PAPLN: variants seen among roughly 807,000 people sequenced by gnomAD.
The protein encoded by PAPLN is papilin.
PAPLN carries 146 observed loss-of-function variants against 159.0 expected under a neutral mutation model. That is an observed-to-expected ratio of 0.92 (90% CI 0.80 to 1.05). The LOEUF is 1.05. Ranked by LOEUF, PAPLN falls within the 50% of genes least tolerant of loss-of-function variation. The pLI, the probability that PAPLN is intolerant of heterozygous loss-of-function variation, is 0.00. For missense variants in PAPLN, 1,720 were observed against 1,743.9 expected (o/e 0.99, Z 0.24); for synonymous variants, 734 against 702.9 (o/e 1.04, Z -0.70).
chr14:73,250,653 C>G (rs1417635002), intron 6 of PAPLN, among the ~76,000 whole-genome samples: 1 of 152,154 alleles, frequency 6.6e-6, no homozygotes, highest in African/African-American at 2.4e-5. Context: ...TTGGGGAGCT[C>G]CGTTCAAACT....
In PAPLN at chr14:73,272,496, A is replaced by ACCCACCGC. The variant is rs746831893; in HGVS notation, c.3672_3679dup (p.Gln1227ProfsTer23). The stretch of plus-strand genomic sequence containing the variant: ...TCTCTCTCCCCTGTCGTTCTGCAGC[A>ACCCACCGC]CCCACCGCCCAGCCCAGGGACCCTG... On this transcript the variant is annotated frameshift_variant and splice_region_variant, in exon 27 of 27. Coordinates refer to ENST00000644200, the MANE Select transcript of PAPLN (RefSeq NM_001365906.3). LOFTEE classifies it high-confidence loss of function. 1.1e-5 allele frequency: 17 copies of ACCCACCGC among 1,529,300 alleles called. No homozygotes were observed. The highest frequency in any genetic ancestry group is 1.5e-5 in the Non-Finnish European group (17 of 1,125,654). The allele number at this position is 1,529,300 out of a possible 1,614,324, so 94.7% of individuals were successfully genotyped here.
intron 25 of PAPLN, among the ~76,000 whole-genome samples, chr14:73,267,309 T>C (rs1887324655): frequency 6.6e-6 from 1 of 152,072 alleles, no homozygotes; most frequent in South Asian, 2.1e-4. Flanking sequence ...GATCAATTGG[T>C]TTTATATTTG....
chr14:73,264,876 C>T, intron 22 of PAPLN, 150 bp downstream of exon 22: 1 of 1,292,496 alleles, frequency 7.7e-7, no homozygotes, highest in Non-Finnish European at 1.1e-6. Context: ...AAACAGGGCT[C>T]CCAGAGCTGG....
chr14:73,248,185 G>GTGTC (rs1221391181), intron 5 of PAPLN, among the ~76,000 whole-genome samples: 1 of 146,266 alleles, frequency 6.8e-6, no homozygotes, highest in Non-Finnish European at 1.5e-5. Flanking sequence ...GTGTGTGTGT[G>GTGTC]TGTCTGTGTG....
intron 26 of PAPLN, among the ~76,000 whole-genome samples, chr14:73,269,262 T>TG (rs1195454614): frequency 6.6e-6 from 1 of 150,856 alleles, no homozygotes; most frequent in African/African-American, 2.4e-5. Context: ...GTGGCCTACC[T>TG]GGGACTAGAG....
At chr14:73,242,427 A>G (rs1883668764) in intron 2 of PAPLN, among the ~76,000 whole-genome samples, 2 of 152,232 alleles carry the variant, frequency 1.3e-5, no homozygotes, top group Non-Finnish European at 2.9e-5. Context: ...ACAGACATCC[A>G]AACAGGCCTT....
At chr14:73,254,828 C>T (rs1410309427) in intron 13 of PAPLN, 49 bp from the exon 14 acceptor site, 1 of 1,603,520 alleles carries the variant, frequency 6.2e-7, no homozygotes, top group Non-Finnish European at 8.5e-7. Flanking sequence ...GGGTCCCCGC[C>T]CCCAGCCTCG....
At chr14:73,266,475 G>C in intron 23 of PAPLN, 26 bp from the exon 24 acceptor site, 2 of 1,612,086 alleles carry the variant, frequency 1.2e-6, no homozygotes, top group Non-Finnish European at 1.7e-6. Flanking sequence ...TTGGGCTGGA[G>C]CCAACTGGCT....
rs138886322 is a variant in PAPLN, at chr14:73,253,847, C to T, written c.1188C>T (p.Gly396=). 5.0e-6 allele frequency: 8 copies of T among 1,613,580 alleles called. No individual in the cohort carries two copies. Among genetic ancestry groups the T allele is most frequent in the African/African-American group, 2.7e-5 (2 of 74,928 alleles). ...ACTGCATCTCGTCTGACGGGGCCGG[C>T]ATCCAGGAGGCCGTGGAGGAGGCTG... is the stretch of plus-strand genomic sequence containing the variant. ...SVYCISSDGA[G]IQEAVEEAEC... is the part of the protein sequence containing the mutation. Residue 396 remains glycine (G), a synonymous_variant, in exon 12 of 27, where the codon GGC becomes GGT. Transcript: ENST00000644200.
At chr14:73,251,419 G>A in intron 7 of PAPLN, 67 bp from the exon 8 acceptor site, 1 of 1,486,000 alleles carries the variant, frequency 6.7e-7, no homozygotes, top group Non-Finnish European at 9.2e-7. Context: ...GGCACTTGGA[G>A]TCCTGTTTGA....
rs1594813297 is a variant in PAPLN, at chr14:73,259,420, C to T, written c.1860C>T (p.Pro620=). 11 of 1,612,942 alleles carry T rather than the reference C, an allele frequency of 6.8e-6. No individual in the cohort carries two copies. In the East Asian group the frequency reaches 2.5e-4, roughly 36 times the overall value. Reference sequence around the variant, plus strand: ...TGCAGCAGCCCCCATACCAGCAACCCCTGCGGTCGGGCTCAGGGCCCCACG... The same window carrying T: ...TGCAGCAGCCCCCATACCAGCAACCTCTGCGGTCGGGCTCAGGGCCCCACG... The part of the protein sequence containing the change: ...PSLQQPPYQQ[P]LRSGSGPHDC... The change falls in exon 16 of 27, where the codon CCC becomes CCT. Residue 620 remains proline, a synonymous_variant. Transcript: ENST00000644200.
At chr14:73,237,840 C>T (rs1883128641) in intron 1 of PAPLN, among the ~76,000 whole-genome samples, 1 of 152,220 alleles carries the variant, frequency 6.6e-6, no homozygotes, top group South Asian at 2.1e-4. Flanking sequence ...GCGGGACGGC[C>T]CCGGCGCGCA....
At chr14:73,241,607 G>T (rs577464572) in intron 2 of PAPLN, among the ~76,000 whole-genome samples, 17 of 152,328 alleles carry the variant, frequency 1.1e-4, no homozygotes, top group African/African-American at 4.1e-4. Context: ...GGGGCTGGGC[G>T]CAGCCTGGGC....
Position 73,253,865 on chromosome 14 carries a change from G to A in PAPLN, c.1206G>A (p.Glu402=). 1 of 1,613,632 alleles carries A rather than the reference G, an allele frequency of 6.2e-7. No individual in the cohort carries two copies. ...GGGCCGGCATCCAGGAGGCCGTGGAGGAGGCTGAGTGTGCCGGGCTGCCTG... is the reference window on the plus strand; with the variant it reads ...GGGCCGGCATCCAGGAGGCCGTGGAAGAGGCTGAGTGTGCCGGGCTGCCTG... ...SDGAGIQEAV[E]EAECAGLPGK... is the part of the protein sequence containing the mutation. Residue 402 remains glutamate, a synonymous_variant, in exon 12 of 27, where the codon GAG becomes GAA. Transcript: ENST00000644200.
chr14:73,244,739 GCGC>G lies in PAPLN; in HGVS notation c.152_154del (p.Arg51del). On this transcript the variant is annotated inframe_deletion, in exon 3 of 27. Coordinates refer to ENST00000644200, the MANE Select transcript of PAPLN (RefSeq NM_001365906.3). ...GTGGAGGGGGTGTCAGCTTCCGGGA[GCGC>G]CCCTGCTACTCCCAGAGGTAGGAGA... is the stretch of plus-strand genomic sequence containing the variant. The G allele has an allele frequency of 6.3e-7, 1 of 1,576,306 alleles. No homozygotes were observed. The highest frequency in any genetic ancestry group is 8.6e-7 in the Non-Finnish European group (1 of 1,161,072).
At position 73,265,623 on chromosome 14, in the gene PAPLN, C is replaced by CA; in HGVS notation, c.3263+116_3263+117insA. ...TGGTCATGGCCAGTCCTGAGCCGGA[C>CA]TCCAGGGCCTCTTGAGAGATGGAGC... On this transcript the variant is annotated intron_variant, in intron 23 of 26. Transcript: ENST00000644200. The surrounding 1 kb of genome is among the most constrained non-coding windows in gnomAD (Gnocchi z 4.1). 7.0e-7 allele frequency: 1 copy of CA among 1,431,222 alleles called. No homozygotes were observed. Among genetic ancestry groups the CA allele is most frequent in the Non-Finnish European group, 9.4e-7 (1 of 1,067,378 alleles). 88.7% of individuals were successfully genotyped at this position (1,431,222 alleles called of 1,614,324 possible).
At position 73,272,730 on chromosome 14, in the gene PAPLN, C is replaced by T; in HGVS notation, c.*66C>T. On this transcript the variant is annotated 3_prime_UTR_variant, in exon 27 of 27. Coordinates refer to ENST00000644200, the MANE Select transcript of PAPLN (RefSeq NM_001365906.3). ...AGGGCTAGGGAGAAAGGAAGATGGA[C>T]TCTTGGCTTCCTCTCTCTGGCTGGC... 7.2e-7 allele frequency: 1 copy of T among 1,389,358 alleles called. No homozygotes were observed. Among genetic ancestry groups the T allele is most frequent in the East Asian group, 2.5e-5 (1 of 40,618 alleles). The allele number at this position is 1,389,358 out of a possible 1,614,324, so 86.1% of individuals were successfully genotyped here. A position where few individuals can be genotyped will look rare whatever the true frequency, so the allele number is the denominator to read the frequency against.
At chr14:73,241,093 A>G (rs991755306) in intron 2 of PAPLN, among the ~76,000 whole-genome samples, 4 of 152,052 alleles carry the variant, frequency 2.6e-5, no homozygotes, top group Admixed American at 2.6e-4. Flanking sequence ...GGCAGGCAGG[A>G]TGGATGGCAG....
chr14:73,251,642 T>G (rs1187439919), intron 8 of PAPLN, 22 bp from the exon 9 acceptor site: 5 of 1,613,408 alleles, frequency 3.1e-6, no homozygotes, highest in African/African-American at 2.7e-5. Context: ...TCTGGCTGAC[T>G]GAGGCGGTCT....
Sources: allele counts gnomAD v4.1 joint callset (sites outside exome capture counted in the v4.1 genomes callset), GRCh38; gene constraint gnomAD v4.1.1; non-coding constraint Gnocchi (gnomAD v3.1); transcripts MANE v1.5; gene names NCBI Gene and HGNC (gene_info 2026-07-23, HGNC 2026-07-21).